PDGFD: variants seen among roughly 807,000 people sequenced by gnomAD.
PDGFD encodes platelet derived growth factor D.
PDGFD carries 30 observed loss-of-function variants against 44.7 expected under a neutral mutation model. That is an observed-to-expected ratio of 0.67 (90% confidence interval 0.50 to 0.91). PDGFD has a LOEUF of 0.91. Ranked by LOEUF, PDGFD falls within the 40% of genes least tolerant of loss-of-function variation. The pLI, the probability that PDGFD is intolerant of heterozygous loss-of-function variation, is 0.00. For synonymous variants in PDGFD, 173 were observed against 168.4 expected, an observed-to-expected ratio of 1.03 and a Z score of -0.21; for missense variants, 445 against 457.8, an observed-to-expected ratio of 0.97 and a Z score of 0.25.
At chr11:103,979,432 T>A (rs1424057678) in intron 3 of PDGFD, among the ~76,000 whole-genome samples, 1 of 152,074 alleles carries the variant, frequency 6.6e-6, no homozygotes, top group African/African-American at 2.4e-5. Flanking sequence ...AAACCCTCAG[T>A]TGTATTTCAG....
intron 1 of PDGFD, among the ~76,000 whole-genome samples, chr11:104,139,711 G>A (rs1229150068): frequency 6.6e-6 from 1 of 152,136 alleles, no homozygotes; most frequent in Non-Finnish European, 1.5e-5. Context: ...TAACACTGCA[G>A]ACAGTGACAA....
intron 1 of PDGFD, among the ~76,000 whole-genome samples, chr11:104,099,099 T>C (rs1004045384): frequency 2.6e-5 from 4 of 152,168 alleles, no homozygotes; most frequent in Admixed American, 6.6e-5. Context: ...TGTTAGTATG[T>C]TTATTTCACA....
chr11:103,953,891 A>G (rs149085902), intron 3 of PDGFD, among the ~76,000 whole-genome samples: 110 of 152,346 alleles, frequency 7.2e-4, no homozygotes, highest in African/African-American at 2.6e-3. Context: ...AAACATGGCT[A>G]ACACAACACA....
rs1565341106 is a variant in PDGFD at position 104,119,659 on chromosome 11, AAT to A, written c.124+44143_124+44144del. Among the ~76,000 whole-genome samples the A allele has an allele frequency of 8.4e-3, 30 of 3,558 alleles. No individual in the cohort carries two copies. In the Non-Finnish European group the frequency reaches 0.24, roughly 28 times the overall value. The allele number at this position is 3,558 out of a possible 152,430, so 2.3% of individuals were successfully genotyped here. On this transcript the variant is annotated intron_variant, in intron 1 of 6. Transcript: ENST00000393158. ...ATATAATATATTAATAGATATATAT[AAT>A]TATATATCGATATATATATCGATAT...
chr11:104,127,560 G>A (rs998646673), intron 1 of PDGFD, among the ~76,000 whole-genome samples: 7 of 152,126 alleles, frequency 4.6e-5, no homozygotes, highest in Admixed American at 2.6e-4. Flanking sequence ...TAACTGCAAA[G>A]AATAGCCTTT....
chr11:103,939,875 C>T (rs7939377), intron 5 of PDGFD, among the ~76,000 whole-genome samples: 18,151 of 152,004 alleles, frequency 0.12, 2,360 homozygotes, highest in African/African-American at 0.32. Flanking sequence ...CAATTATATA[C>T]GCTACCCTTT....
chr11:103,941,423 C>T (rs77531144), intron 5 of PDGFD, among the ~76,000 whole-genome samples: 3,883 of 152,174 alleles, frequency 0.026, 172 homozygotes, highest in African/African-American at 0.089. Context: ...ACAGGGACTA[C>T]ATCACAGAAT....
At chr11:103,926,027 C>A (rs1271850583) in intron 6 of PDGFD, among the ~76,000 whole-genome samples, 2 of 152,070 alleles carry the variant, frequency 1.3e-5, no homozygotes, top group Non-Finnish European at 2.9e-5. Context: ...CTGCGCCCGG[C>A]CTATCTTTTA....
At position 103,992,803 on chromosome 11, in the gene PDGFD, C is replaced by G. The variant is rs532470927; in HGVS notation, c.510+3262G>C. The stretch of plus-strand genomic sequence containing the variant: ...AATGTACATTGCACTTTTCCAAAAA[C>G]ATTATGAGCATGAACCATGTAGATG... On this transcript the variant is annotated intron_variant, in intron 3 of 6. Coordinates refer to ENST00000393158, the MANE Select transcript of PDGFD (RefSeq NM_025208.5). Among the ~76,000 whole-genome samples the G allele has an allele frequency of 3.9e-5, 6 of 152,290 alleles. No homozygotes were observed. The East Asian group carries it at 1.2e-3, about 29-fold the overall frequency.
intron 1 of PDGFD, among the ~76,000 whole-genome samples, chr11:104,050,010 ACCTTTT>A (rs1257435645): frequency 6.6e-6 from 1 of 152,134 alleles, no homozygotes; most frequent in African/African-American, 2.4e-5. Context: ...ATGAGAGAAC[ACCTTTT>A]ACTATGAAGG....
At chr11:103,989,396 G>A (rs1859418367) in intron 3 of PDGFD, among the ~76,000 whole-genome samples, 1 of 152,202 alleles carries the variant, frequency 6.6e-6, no homozygotes, top group Non-Finnish European at 1.5e-5. Flanking sequence ...TTTCTCTGCG[G>A]CCTAGGCTTT....
At chr11:103,984,941 CAT>C (rs199832603) in intron 3 of PDGFD, among the ~76,000 whole-genome samples, 14,740 of 111,108 alleles carry the variant, frequency 0.13, 1,716 homozygotes, top group South Asian at 0.23. Context: ...TAATATATAA[CAT>C]ATTAATTTAT....
At position 104,024,163 on chromosome 11, in the gene PDGFD, C is replaced by T. The variant is rs556468522; in HGVS notation, c.125-23908G>A. Among the ~76,000 whole-genome samples, 249 of 151,580 alleles carry T rather than the reference C, an allele frequency of 1.6e-3. 2 individuals carry two copies. Among genetic ancestry groups the T allele is most frequent in the Middle Eastern group, 0.01 (3 of 294 alleles). On this transcript the variant is annotated intron_variant, in intron 1 of 6. Transcript: ENST00000393158. ...AAATGTATAACTTGGCATTGAGTAT[C>T]GAAAATAAGTTTTTATCTCGGGTTA...
chr11:104,003,819 G>A (rs988641403), intron 1 of PDGFD, among the ~76,000 whole-genome samples: 2 of 152,192 alleles, frequency 1.3e-5, no homozygotes, highest in African/African-American at 4.8e-5. Context: ...AGTGTCCTGA[G>A]AAGGGAAGGT....
intron 1 of PDGFD, among the ~76,000 whole-genome samples, chr11:104,099,696 A>C (rs1861342821): frequency 6.6e-6 from 1 of 150,568 alleles, no homozygotes; most frequent in Non-Finnish European, 1.5e-5. Flanking sequence ...AAAAAATGGA[A>C]TATATCTCAT....
At chr11:103,947,543 G>T in intron 4 of PDGFD, 119 bp downstream of exon 4, 1 of 741,862 alleles carries the variant, frequency 1.3e-6, no homozygotes, top group Non-Finnish European at 2.4e-6. Context: ...AACACATCCT[G>T]TTTGAGATCT....
intron 2 of PDGFD, among the ~76,000 whole-genome samples, chr11:103,997,050 T>A (rs902262204): frequency 6.6e-6 from 1 of 152,236 alleles, no homozygotes; most frequent in Non-Finnish European, 1.5e-5. Flanking sequence ...TATCACATAG[T>A]AGGAGATCCT....
chr11:104,017,880 T>A (rs185473213), intron 1 of PDGFD, among the ~76,000 whole-genome samples: 2,384 of 152,286 alleles, frequency 0.016, 73 homozygotes, highest in African/African-American at 0.054. Context: ...TCTGCTAGAG[T>A]GGCTGTTTTG....
chr11:104,074,206 C>T (rs973495159), intron 1 of PDGFD, among the ~76,000 whole-genome samples: 20 of 152,224 alleles, frequency 1.3e-4, no homozygotes, highest in African/African-American at 4.3e-4. Flanking sequence ...TGGCCACAGA[C>T]ACTTGCCTGA....
Sources: gnomAD v4.1 joint callset for allele counts (sites outside exome capture counted in the v4.1 genomes callset) on GRCh38, gnomAD v4.1.1 for gene constraint, MANE v1.5 for transcripts, NCBI Gene and HGNC (gene_info 2026-07-23, HGNC 2026-07-21) for gene names.